The following PLCB1 variants were observed in gnomAD, a reference collection of about 807,000 sequenced individuals.
The protein encoded by PLCB1 is 1-phosphatidylinositol 4,5-bisphosphate phosphodiesterase beta-1.
Under a neutral mutation model 161.8 loss-of-function variants are expected in PLCB1, and 46 were observed. The observed-to-expected ratio is 0.28, with a 90% CI of 0.22 to 0.36. PLCB1 has a LOEUF of 0.36. Among genes scored for constraint, PLCB1 ranks in the 10% least tolerant of loss-of-function variants. The pLI is 1.00. For missense variants in PLCB1, 1,016 were observed against 1,472.5 expected, an observed-to-expected ratio of 0.69 and a Z score of 5.07; for synonymous variants, 517 against 503.7, an observed-to-expected ratio of 1.03 and a Z score of -0.35.
chr20:8,510,131 G>A (rs1351018117), intron 3 of PLCB1, among the ~76,000 whole-genome samples: 1 of 151,998 alleles, frequency 6.6e-6, no homozygotes, highest in Non-Finnish European at 1.5e-5. Context: ...AAGATTTTCT[G>A]GAAATGTAAA....
At chr20:8,492,797 A>T (rs148419671) in intron 3 of PLCB1, among the ~76,000 whole-genome samples, 95 of 150,638 alleles carry the variant, frequency 6.3e-4, no homozygotes, top group African/African-American at 2.2e-3. Flanking sequence ...GAACTGGTAA[A>T]TTTGTTTTCA....
chr20:8,662,012 T>G (rs62195779), intron 9 of PLCB1, among the ~76,000 whole-genome samples: 1,254 of 73,568 alleles, frequency 0.017, 4 homozygotes, highest in Non-Finnish European at 0.023. Flanking sequence ...ATTATATAAT[T>G]ATATATAATA....
At chr20:8,586,377 G>T (rs183881233) in intron 3 of PLCB1, among the ~76,000 whole-genome samples, 2 of 150,768 alleles carry the variant, frequency 1.3e-5, no homozygotes, top group East Asian at 3.9e-4. Context: ...TGCCTAAAAA[G>T]CGTCATCTTT....
intron 3 of PLCB1, among the ~76,000 whole-genome samples, chr20:8,452,070 G>A (rs1392202444): frequency 6.6e-6 from 1 of 152,122 alleles, no homozygotes; most frequent in Non-Finnish European, 1.5e-5. Context: ...TTGAAACAAT[G>A]TTGATTCTGA....
At chr20:8,693,024 A>G (rs1038639965) in intron 10 of PLCB1, among the ~76,000 whole-genome samples, 1 of 152,184 alleles carries the variant, frequency 6.6e-6, no homozygotes, top group Admixed American at 6.5e-5. Context: ...ATCAGAACCT[A>G]GATAAAATAT....
chr20:8,530,411 G>C (rs1024866317), intron 3 of PLCB1, among the ~76,000 whole-genome samples: 4 of 151,926 alleles, frequency 2.6e-5, no homozygotes, highest in African/African-American at 9.7e-5. Context: ...TAATCTACTT[G>C]TTAATACAGT....
At chr20:8,201,099 A>AAT (rs1219323668) in intron 2 of PLCB1, among the ~76,000 whole-genome samples, 2 of 152,084 alleles carry the variant, frequency 1.3e-5, no homozygotes, top group African/African-American at 4.8e-5. Flanking sequence ...TTTCTTGTTC[A>AAT]ATATCAAGAT....
intron 3 of PLCB1, among the ~76,000 whole-genome samples, chr20:8,392,840 G>T (rs1987650965): frequency 6.6e-6 from 1 of 152,242 alleles, no homozygotes; most frequent in African/African-American, 2.4e-5. Context: ...ACTGCCTTTG[G>T]ATGTGATACA....
chr20:8,629,865 C>CTT (rs1455220054), intron 4 of PLCB1, among the ~76,000 whole-genome samples: 11 of 91,094 alleles, frequency 1.2e-4, no homozygotes, highest in Admixed American at 4.1e-4. Flanking sequence ...TTCTTTCTTT[C>CTT]TTTCTTTCTT....
At chr20:8,790,791 G>T (rs957373570) in intron 31 of PLCB1, among the ~76,000 whole-genome samples, 4 of 152,124 alleles carry the variant, frequency 2.6e-5, no homozygotes, top group Admixed American at 1.3e-4. Context: ...TATGTTCATT[G>T]TTTGGTTAAA....
At chr20:8,600,416 G>C (rs1317010623) in intron 3 of PLCB1, among the ~76,000 whole-genome samples, 1 of 142,324 alleles carries the variant, frequency 7.0e-6, no homozygotes, top group Non-Finnish European at 1.5e-5. Flanking sequence ...CTGCTCGGGG[G>C]TCAGGGGTCA....
At chr20:8,558,695 G>A (rs1002073105) in intron 3 of PLCB1, among the ~76,000 whole-genome samples, 2 of 151,838 alleles carry the variant, frequency 1.3e-5, no homozygotes, top group African/African-American at 4.8e-5. Flanking sequence ...CAAGAGAGTT[G>A]CAATTAATCA....
At chr20:8,234,796 C>T (rs569944995) in intron 2 of PLCB1, among the ~76,000 whole-genome samples, 1 of 152,212 alleles carries the variant, frequency 6.6e-6, no homozygotes, top group Non-Finnish European at 1.5e-5. Context: ...GACCTCTTGG[C>T]TGATTATCAG....
intron 1 of PLCB1, among the ~76,000 whole-genome samples, chr20:8,145,055 C>T (rs2051439983): frequency 6.6e-6 from 1 of 152,144 alleles, no homozygotes; most frequent in Non-Finnish European, 1.5e-5. Flanking sequence ...TAGTAGTTTA[C>T]TAAGACTTCC....
At chr20:8,828,138 T>TA (rs1177182557) in intron 31 of PLCB1, among the ~76,000 whole-genome samples, 1 of 152,104 alleles carries the variant, frequency 6.6e-6, no homozygotes, top group East Asian at 1.9e-4. Context: ...GGCTGTGGGA[T>TA]ATCCTGCATT....
At chr20:8,399,053 T>A (rs1978426079) in intron 3 of PLCB1, among the ~76,000 whole-genome samples, 1 of 151,888 alleles carries the variant, frequency 6.6e-6, no homozygotes, top group Admixed American at 6.6e-5. Context: ...TATTCATGCC[T>A]AGTTTATAAA....
intron 3 of PLCB1, among the ~76,000 whole-genome samples, chr20:8,484,904 T>C (rs1982658058): frequency 6.6e-6 from 1 of 152,200 alleles, no homozygotes; most frequent in African/African-American, 2.4e-5. Context: ...TGCATGTGGG[T>C]ACCAGGTGAC....
At chr20:8,688,360 CTT>C (rs1465371684) in intron 10 of PLCB1, among the ~76,000 whole-genome samples, 1 of 152,078 alleles carries the variant, frequency 6.6e-6, no homozygotes, top group Non-Finnish European at 1.5e-5. Context: ...AGCCATGTAT[CTT>C]TGTTTTTATG....
chr20:8,211,494 A>G (rs1395677458), intron 2 of PLCB1, among the ~76,000 whole-genome samples: 1 of 152,178 alleles, frequency 6.6e-6, no homozygotes, highest in Admixed American at 6.6e-5. Context: ...AGTGATGAGC[A>G]TTTACAAATT....
Sources: allele counts gnomAD v4.1 joint callset (sites outside exome capture counted in the v4.1 genomes callset), GRCh38; gene constraint gnomAD v4.1.1; transcripts MANE v1.5; gene names NCBI Gene and HGNC (gene_info 2026-07-23, HGNC 2026-07-21).